The following PCDH11X variants were observed in gnomAD, a reference collection of about 807,000 sequenced individuals.
PCDH11X encodes the protein protocadherin 11 X-linked, also known as protocadherin-11 X-linked.
In PCDH11X, 18 loss-of-function variants were observed where a neutral mutation model predicts 53.3. The ratio of observed to expected loss-of-function variants is 0.34; its 90% CI spans 0.23 to 0.50. The LOEUF (loss-of-function observed/expected upper bound fraction) is 0.50. Among genes scored for constraint, PCDH11X ranks in the 20% least tolerant of loss-of-function variants. The pLI is 0.98. For missense variants in PCDH11X, 570 were observed against 1,032.4 expected (o/e 0.55, Z 6.14); for synonymous variants, 279 against 393.3 (o/e 0.71, Z 3.44).
At chrX:92,166,312 C>T (rs1375652422) in intron 6 of PCDH11X, among the ~76,000 whole-genome samples, 1 of 107,688 alleles carries the variant, frequency 9.3e-6, no homozygotes, top group African/African-American at 3.4e-5. Context: ...TAGTATTCTA[C>T]TTACAGTTTA....
In PCDH11X at chrX:92,242,909, CTT is replaced by C. The variant is rs763356171; in HGVS notation, c.3115-20203_3115-20202del. The stretch of plus-strand genomic sequence containing the variant: ...TGCATGTTTGACATTCGGATTTACT[CTT>C]TGTTGAAATAGCAGTTGATAGTTTT... On this transcript the variant is annotated intron_variant, in intron 7 of 10. Coordinates refer to ENST00000682573, the MANE Select transcript of PCDH11X (RefSeq NM_032968.5). Among the ~76,000 whole-genome samples the C allele has an allele frequency of 1.3e-3, 146 of 111,506 alleles. 1 individual carries two copies. The highest frequency in any genetic ancestry group is 4.5e-3 in the African/African-American group (139 of 30,725).
chrX:92,067,184 A>G (rs1377340384), intron 6 of PCDH11X, among the ~76,000 whole-genome samples: 1 of 111,018 alleles, frequency 9.0e-6, no homozygotes, highest in Non-Finnish European at 1.9e-5. Context: ...TCTAGCTAAC[A>G]CTTCTCATGC....
chrX:92,500,387 T>C (rs1308944105), intron 10 of PCDH11X, among the ~76,000 whole-genome samples: 1 of 110,758 alleles, frequency 9.0e-6, no homozygotes, highest in Non-Finnish European at 1.9e-5. Context: ...GTATAAAATA[T>C]AATGGAGGAG....
Position 92,122,707 on chromosome X carries a change from C to T in PCDH11X, c.3034-78668C>T, listed in dbSNP as rs766686166. On this transcript the variant is annotated intron_variant, in intron 6 of 10. Coordinates refer to ENST00000682573, the MANE Select transcript of PCDH11X (RefSeq NM_032968.5). ...ATCCCAGCACTTTGGTAGGCCGAGG[C>T]GAGTGGATCACCTGAGGTCGGGAGT... 4.5e-5 allele frequency among the ~76,000 whole-genome samples: 5 copies of T among 111,081 alleles called. No individual in the cohort carries two copies. In the South Asian group the frequency reaches 1.5e-3, roughly 34 times the overall value.
At chrX:91,899,481 A>G (rs773143685) in intron 6 of PCDH11X, among the ~76,000 whole-genome samples, 1 of 110,872 alleles carries the variant, frequency 9.0e-6, no homozygotes, top group African/African-American at 3.3e-5. Context: ...ATGCAGGAAC[A>G]ATACTTTGCA....
At chrX:92,071,739 G>T (rs1056097934) in intron 6 of PCDH11X, among the ~76,000 whole-genome samples, 23 of 111,421 alleles carry the variant, frequency 2.1e-4, no homozygotes, top group African/African-American at 7.2e-4. Flanking sequence ...ACCAGGCAGA[G>T]AGTATGCTCT....
intron 6 of PCDH11X, among the ~76,000 whole-genome samples, chrX:92,035,201 G>A (rs188982574): frequency 1.9e-3 from 208 of 111,256 alleles, no homozygotes; most frequent in African/African-American, 6.3e-3. Context: ...ATATTATTCT[G>A]TGTTTTTCTG....
intron 9 of PCDH11X, among the ~76,000 whole-genome samples, chrX:92,389,338 C>T (rs1209524661): frequency 9.0e-6 from 1 of 111,566 alleles, no homozygotes; most frequent in Non-Finnish European, 1.9e-5. Context: ...AGAATATGAT[C>T]ATAAGTAACA....
intron 10 of PCDH11X, among the ~76,000 whole-genome samples, chrX:92,499,824 C>T (rs2750830): frequency 9.4e-6 from 1 of 106,835 alleles, no homozygotes; most frequent in African/African-American, 3.4e-5. Flanking sequence ...TTAAAGAGAC[C>T]ATGTCTCATA....
intron 8 of PCDH11X, among the ~76,000 whole-genome samples, chrX:92,311,328 G>A: frequency 9.1e-6 from 1 of 109,532 alleles, no homozygotes. Flanking sequence ...AATTGTCAGT[G>A]TTAGATTCTA....
chrX:91,990,956 G>A (rs1415620168), intron 6 of PCDH11X, among the ~76,000 whole-genome samples: 12 of 99,096 alleles, frequency 1.2e-4, no homozygotes, highest in African/African-American at 4.1e-4. Context: ...ACAGGGTTGT[G>A]CCTGGCAATA....
chrX:91,782,182 C>A lies in PCDH11X; in HGVS notation c.-379+2498C>A, dbSNP rs185193840. 1.9e-4 allele frequency among the ~76,000 whole-genome samples: 21 copies of A among 112,326 alleles called. No individual in the cohort carries two copies. In the East Asian group the frequency reaches 3.2e-3, roughly 17 times the overall value. Reference sequence around the variant, plus strand: ...CCTGGGTCCCGGCTCGCAGCCCCCCCCTTCCAGTCCCTCGCTCCTCAGAGG... The same window carrying A: ...CCTGGGTCCCGGCTCGCAGCCCCCCACTTCCAGTCCCTCGCTCCTCAGAGG... On this transcript the variant is annotated intron_variant, in intron 1 of 10. Coordinates refer to ENST00000682573, the MANE Select transcript of PCDH11X (RefSeq NM_032968.5).
At chrX:92,125,101 A>G (rs1472370621) in intron 6 of PCDH11X, among the ~76,000 whole-genome samples, 1 of 112,053 alleles carries the variant, frequency 8.9e-6, no homozygotes, top group Non-Finnish European at 1.9e-5. Context: ...ATAATAGTAT[A>G]GGAGAGGCAG....
intron 5 of PCDH11X, among the ~76,000 whole-genome samples, chrX:91,851,159 C>G (rs1171426913): frequency 9.0e-6 from 1 of 110,609 alleles, no homozygotes; most frequent in Non-Finnish European, 1.9e-5. Flanking sequence ...GGAAAATTAT[C>G]CATATTTTGT....
intron 6 of PCDH11X, among the ~76,000 whole-genome samples, chrX:92,107,674 T>C (rs898510361): frequency 2.7e-5 from 3 of 112,368 alleles, no homozygotes; most frequent in African/African-American, 6.5e-5. Flanking sequence ...AGCCCCCACT[T>C]TGAATTGTCC....
At position 92,113,279 on chromosome X, in the gene PCDH11X, T is replaced by G. The variant is rs1602960476; in HGVS notation, c.3034-88096T>G. The G allele has an allele frequency of 3.3e-6, 4 of 1,201,382 alleles. No homozygotes were observed. In the East Asian group the frequency reaches 1.2e-4, roughly 36 times the overall value. On this transcript the variant is annotated intron_variant, in intron 6 of 10. Transcript: ENST00000682573. ...AGCAACATTGGGGGCATTTCCTCAATGGAGGTGTTGTAGAAGGTCTCAATG... is the reference window on the plus strand; with the variant it reads ...AGCAACATTGGGGGCATTTCCTCAAGGGAGGTGTTGTAGAAGGTCTCAATG...
chrX:92,049,134 C>A (rs1178335316), intron 6 of PCDH11X, among the ~76,000 whole-genome samples: 1 of 110,548 alleles, frequency 9.0e-6, no homozygotes, highest in Non-Finnish European at 1.9e-5. Flanking sequence ...CTTATTGGAC[C>A]TAAAAGGGTG....
intron 6 of PCDH11X, among the ~76,000 whole-genome samples, chrX:91,942,949 C>T (rs1227832406): frequency 2.0e-5 from 2 of 101,480 alleles, no homozygotes; most frequent in Non-Finnish European, 4.0e-5. Context: ...ATATATCAAG[C>T]CATGAAAAGA....
intron 6 of PCDH11X, among the ~76,000 whole-genome samples, chrX:92,186,568 C>A (rs902129816): frequency 3.2e-5 from 3 of 94,828 alleles, no homozygotes; most frequent in Non-Finnish European, 4.0e-5. Context: ...GCGGAGGTTG[C>A]GGTGAGCCGA....
Sources: gnomAD v4.1 joint callset for allele counts (sites outside exome capture counted in the v4.1 genomes callset) on GRCh38, gnomAD v4.1.1 for gene constraint, MANE v1.5 for transcripts, NCBI Gene and HGNC (gene_info 2026-07-23, HGNC 2026-07-21) for gene names.